CASK: variants seen among roughly 807,000 people sequenced by gnomAD.
CASK encodes peripheral plasma membrane protein CASK.
A neutral mutation model predicts 82.9 loss-of-function variants in CASK; 4 were observed. The ratio of observed to expected loss-of-function variants is 0.05; its 90% confidence interval spans 0.02 to 0.11. The LOEUF is 0.11. Ranked by LOEUF, CASK falls within the 10% of genes least tolerant of loss-of-function variation. CASK has a pLI of 1.00. For synonymous variants in CASK, 259 were observed against 253.5 expected (o/e 1.02, Z -0.20); for missense variants, 358 against 720.9 (o/e 0.50, Z 5.76).
At chrX:41,769,540 G>A (rs899794511) in intron 3 of CASK, among the ~76,000 whole-genome samples, 5 of 111,133 alleles carry the variant, frequency 4.5e-5, no homozygotes, top group African/African-American at 1.6e-4. Context: ...CCCCTTCACA[G>A]ACTTGCAACC....
intron 11 of CASK, among the ~76,000 whole-genome samples, chrX:41,615,308 C>G (rs751506941): frequency 9.0e-6 from 1 of 111,130 alleles, no homozygotes; most frequent in Non-Finnish European, 1.9e-5. Context: ...AGTGCCCCCC[C>G]CTCCATCAAA....
At chrX:41,534,392 A>AACAC (rs56349527) in intron 24 of CASK, among the ~76,000 whole-genome samples, 4,028 of 91,173 alleles carry the variant, frequency 0.044, 82 homozygotes, top group African/African-American at 0.059. Context: ...TTTTATTTAA[A>AACAC]ACACACACAC....
chrX:41,869,185 C>G (rs2071648529), intron 1 of CASK, among the ~76,000 whole-genome samples: 1 of 111,463 alleles, frequency 9.0e-6, no homozygotes, highest in African/African-American at 3.3e-5. Flanking sequence ...AGCAACTGCC[C>G]CATAGGACTC....
At chrX:41,674,849 C>G (rs1377579062) in intron 5 of CASK, among the ~76,000 whole-genome samples, 2 of 111,020 alleles carry the variant, frequency 1.8e-5, no homozygotes, top group Non-Finnish European at 3.8e-5. Flanking sequence ...AACTTTTATT[C>G]CACTTACATG....
At chrX:41,736,414 T>C (rs1368974139) in intron 5 of CASK, among the ~76,000 whole-genome samples, 4 of 111,790 alleles carry the variant, frequency 3.6e-5, no homozygotes, top group Non-Finnish European at 5.6e-5. Flanking sequence ...GCATGAGGAT[T>C]GCTTGAGCCC....
chrX:41,767,822 G>A (rs1482026091), intron 3 of CASK, among the ~76,000 whole-genome samples: 3 of 111,246 alleles, frequency 2.7e-5, no homozygotes, highest in Admixed American at 9.6e-5. Context: ...GATGATATAC[G>A]CAGGAATGAT....
chrX:41,545,936 C>G (rs752563897), intron 21 of CASK, among the ~76,000 whole-genome samples: 1 of 109,701 alleles, frequency 9.1e-6, no homozygotes, highest in East Asian at 2.9e-4. Flanking sequence ...ATCCTTCCGC[C>G]TCAGCTTCCT....
At chrX:41,911,318 A>G (rs777722631) in intron 1 of CASK, among the ~76,000 whole-genome samples, 1 of 112,118 alleles carries the variant, frequency 8.9e-6, no homozygotes, top group South Asian at 3.7e-4. Flanking sequence ...ATGCAATATA[A>G]ATAATACTGT....
At chrX:41,564,422 T>G (rs975326327) in intron 16 of CASK, among the ~76,000 whole-genome samples, 2 of 111,665 alleles carry the variant, frequency 1.8e-5, no homozygotes, top group Middle Eastern at 4.2e-3. Context: ...TACAGTGGCG[T>G]GATCATAGCT....
rs752105572 is a variant in CASK at position 41,905,546 on chromosome X, C to T, written c.59+17384G>A. On this transcript the variant is annotated intron_variant, in intron 1 of 26. Transcript: ENST00000378163. ...AATCTTTTTTGGAGAAATGTCTGTT[C>T]AGTGAATTTTAAATTTTAATTTTAA... 4.4e-5 allele frequency among the ~76,000 whole-genome samples: 5 copies of T among 112,939 alleles called. No homozygotes were observed. The South Asian group carries it at 1.8e-3, about 41-fold the overall frequency.
At chrX:41,708,764 T>C (rs1428498060) in intron 5 of CASK, among the ~76,000 whole-genome samples, 2 of 111,902 alleles carry the variant, frequency 1.8e-5, no homozygotes, top group Admixed American at 9.5e-5. Context: ...GCTGGTAATA[T>C]ATTACCCTCT....
At chrX:41,781,575 A>T (rs1420167541) in intron 3 of CASK, among the ~76,000 whole-genome samples, 2 of 112,293 alleles carry the variant, frequency 1.8e-5, no homozygotes, top group African/African-American at 6.5e-5. Context: ...CCATAACCTG[A>T]GCAATGAGCC....
chrX:41,563,483 A>T (rs1483766386), intron 16 of CASK, among the ~76,000 whole-genome samples: 1 of 110,432 alleles, frequency 9.1e-6, no homozygotes, highest in Non-Finnish European at 1.9e-5. Context: ...TAAAACAATG[A>T]AACAGAAAAT....
intron 1 of CASK, among the ~76,000 whole-genome samples, chrX:41,854,642 C>T (rs760848336): frequency 6.9e-4 from 78 of 112,359 alleles, no homozygotes; most frequent in African/African-American, 2.4e-3. Context: ...GGACGAACTA[C>T]TAAATTTAAT....
In CASK at chrX:41,875,001, A is replaced by G. The variant is rs17250086; in HGVS notation, c.60-21774T>C. 7.6e-3 allele frequency among the ~76,000 whole-genome samples: 860 copies of G among 112,557 alleles called. 9 individuals are homozygous for G. Among genetic ancestry groups the G allele is most frequent in the Admixed American group, 0.041 (439 of 10,654 alleles). ...GATTAGTGGTTGATTCAAATACACA[A>G]TGCTTAATGTTTATCAATCTTAATA... On this transcript the variant is annotated intron_variant, in intron 1 of 26. Coordinates refer to ENST00000378163, the MANE Select transcript of CASK (RefSeq NM_001367721.1).
chrX:41,653,324 C>G (rs2066890517), intron 8 of CASK, among the ~76,000 whole-genome samples: 1 of 111,914 alleles, frequency 8.9e-6, no homozygotes, highest in Admixed American at 9.5e-5. Context: ...TGGTTTGGAG[C>G]TGCAACTGTG....
intron 9 of CASK, among the ~76,000 whole-genome samples, chrX:41,631,938 C>T (rs1006570858): frequency 1.1e-4 from 12 of 110,565 alleles, no homozygotes; most frequent in African/African-American, 1.6e-4. Flanking sequence ...GTCCCCACCC[C>T]GCTTATTTTT....
intron 5 of CASK, among the ~76,000 whole-genome samples, chrX:41,704,872 G>A (rs1396305287): frequency 8.9e-6 from 1 of 111,937 alleles, no homozygotes; most frequent in African/African-American, 3.2e-5. Context: ...TAAGAAAACA[G>A]GAATTATAGT....
At chrX:41,811,384 C>CT (rs777037530) in intron 2 of CASK, among the ~76,000 whole-genome samples, 96 of 112,794 alleles carry the variant, frequency 8.5e-4, no homozygotes, top group African/African-American at 2.8e-3. Context: ...TTATAACAAA[C>CT]TGTCTCTCAG....
Sources: gnomAD v4.1 joint callset for allele counts (sites outside exome capture counted in the v4.1 genomes callset) on GRCh38, gnomAD v4.1.1 for gene constraint, MANE v1.5 for transcripts, NCBI Gene and HGNC (gene_info 2026-07-23, HGNC 2026-07-21) for gene names.